Variants in NLGN3 observed in about 807,000 individuals in gnomAD.
The protein encoded by NLGN3 is neuroligin 3.
In NLGN3, 11 loss-of-function variants were observed where a neutral mutation model predicts 42.9. The observed-to-expected ratio is 0.26, with a 90% CI of 0.16 to 0.42. The LOEUF is 0.42. NLGN3 is among the 10% of genes least tolerant of loss of function. NLGN3 has a pLI of 1.00. For synonymous variants in NLGN3, 279 were observed against 312.7 expected, an observed-to-expected ratio of 0.89 and a Z score of 1.14; for missense variants, 374 against 733.8, an observed-to-expected ratio of 0.51 and a Z score of 5.67.
intron 6 of NLGN3, among the ~76,000 whole-genome samples, chrX:71,164,870 C>T (rs2092441754): frequency 9.0e-6 from 1 of 110,824 alleles, no homozygotes; most frequent in Non-Finnish European, 1.9e-5. Context: ...GACCTCTCCC[C>T]GACTGTGCAA....
At chrX:71,153,660 C>T (rs2092398584) in intron 4 of NLGN3, 124 bp downstream of exon 4, 1 of 655,328 alleles carries the variant, frequency 1.5e-6, no homozygotes, top group Admixed American at 2.7e-5. Context: ...CTGTACAAGG[C>T]CGTTGGGCTG....
intron 6 of NLGN3, among the ~76,000 whole-genome samples, chrX:71,165,437 A>C: frequency 9.4e-6 from 1 of 106,081 alleles, no homozygotes; most frequent in Non-Finnish European, 2.0e-5. Flanking sequence ...CTGACTGGGG[A>C]CTCCTCCCCT....
At chrX:71,148,609 G>T (rs1057077618) in intron 2 of NLGN3, among the ~76,000 whole-genome samples, 5 of 111,375 alleles carry the variant, frequency 4.5e-5, no homozygotes, top group Admixed American at 2.8e-4. Context: ...TGGGTGTGTG[G>T]GGGGTGGGGC....
chrX:71,168,861 G>GAA (rs1418164513), intron 7 of NLGN3, among the ~76,000 whole-genome samples: 5 of 86,420 alleles, frequency 5.8e-5, no homozygotes, highest in Non-Finnish European at 1.0e-4. Context: ...AAGAAAGAAA[G>GAA]AAAGAAAGAG....
intron 1 of NLGN3, among the ~76,000 whole-genome samples, chrX:71,146,213 A>G (rs982692864): frequency 2.1e-5 from 2 of 96,455 alleles, no homozygotes; most frequent in Middle Eastern, 5.0e-3. Flanking sequence ...ACACACACAC[A>G]CACACACATT....
chrX:71,152,394 A>C (rs2092394329), intron 3 of NLGN3, among the ~76,000 whole-genome samples: 1 of 105,852 alleles, frequency 9.4e-6, no homozygotes, highest in Non-Finnish European at 2.0e-5. Context: ...TTTCTCATCT[A>C]TTTCTTCCCT....
At chrX:71,174,640 C>T (rs1335823232), downstream of NLGN3, among the ~76,000 whole-genome samples, 1 of 111,672 alleles carries the variant, frequency 9.0e-6, no homozygotes, top group Non-Finnish European at 1.9e-5. Flanking sequence ...TCACCCACAG[C>T]GTATCTAGAG....
chrX:71,170,160 C>CACACACACACACACACACGCAG lies in NLGN3; in HGVS notation c.*82_*103dup, dbSNP rs1301847017. ...CCTCCCAGATCCAGGAACACATGCACACACACACACACACACACGCAGACA... is the reference window on the plus strand; with the variant it reads ...CCTCCCAGATCCAGGAACACATGCACACACACACACACACACACGCAGACACACACACACACACACGCAGACA... On this transcript the variant is annotated 3_prime_UTR_variant, in exon 8 of 8. Transcript: ENST00000358741. 1 of 1,078,102 alleles carries CACACACACACACACACACGCAG rather than the reference C, an allele frequency of 9.3e-7. No homozygotes were observed. The highest frequency in any genetic ancestry group is 1.3e-6 in the Non-Finnish European group (1 of 793,833). The allele number at this position is 1,078,102 out of a possible 1,213,427, so 88.8% of individuals were successfully genotyped here.
chrX:71,172,246 C>A (rs770026271), downstream of NLGN3, among the ~76,000 whole-genome samples: 3 of 110,854 alleles, frequency 2.7e-5, no homozygotes, highest in Admixed American at 2.9e-4. Context: ...TTCTTTTTTC[C>A]AAAACTAATG....
chrX:71,164,046 C>G, intron 5 of NLGN3, 97 bp from the exon 6 acceptor site: 1 of 787,792 alleles, frequency 1.3e-6, no homozygotes, highest in South Asian at 2.2e-5. Flanking sequence ...CGTGCTCATT[C>G]TCTATTCCCA....
At chrX:71,163,462 G>A (rs776737832) in intron 5 of NLGN3, among the ~76,000 whole-genome samples, 40 of 111,680 alleles carry the variant, frequency 3.6e-4, no homozygotes, top group East Asian at 1.1e-3. Context: ...TCAAGGCCCC[G>A]GAAGGAAGTG....
At chrX:71,161,107 TTTTC>T (rs1404272699) in intron 5 of NLGN3, among the ~76,000 whole-genome samples, 30 of 101,429 alleles carry the variant, frequency 3.0e-4, no homozygotes, top group Non-Finnish European at 1.5e-4. Context: ...TTTTCTTTTC[TTTTC>T]TTTCTTTTTT....
chrX:71,171,570 C>T (rs186697431), downstream of NLGN3: 31 of 405,624 alleles, frequency 7.6e-5, no homozygotes, highest in East Asian at 3.4e-3. Flanking sequence ...TCTGCTGCAA[C>T]CACCCTGCCC....
At position 71,167,027 on chromosome X, in the gene NLGN3, C is replaced by T. The variant is rs756834285; in HGVS notation, c.930C>T (p.Ala310=). 3.0e-5 allele frequency: 36 copies of T among 1,196,797 alleles called. No homozygotes were observed. Among genetic ancestry groups the T allele is most frequent in the Non-Finnish European group, 3.9e-5 (35 of 888,327 alleles). ...CTTCTGTAGGACTTTTCCAGAGAGC[C>T]ATCATCCAAAGTGGCTCTGCTCTGT... The part of the protein sequence containing the change: ...SHHSEGLFQR[A]IIQSGSALSS... The change falls in exon 7 of 8, where the codon GCC becomes GCT. Residue 310 remains alanine, a synonymous_variant. Coordinates refer to ENST00000358741, the MANE Select transcript of NLGN3 (RefSeq NM_181303.2).
intron 5 of NLGN3, among the ~76,000 whole-genome samples, chrX:71,158,530 T>TA (rs1052401761): frequency 2.7e-5 from 3 of 112,188 alleles, no homozygotes; most frequent in African/African-American, 6.5e-5. Flanking sequence ...CTCAGCTGCT[T>TA]AAAAAAATAT....
chrX:71,152,263 C>G (rs945672090), intron 3 of NLGN3, among the ~76,000 whole-genome samples: 48 of 111,211 alleles, frequency 4.3e-4, no homozygotes, highest in Middle Eastern at 4.6e-3. Flanking sequence ...CTCCTTAGAA[C>G]AGGAAGGAGA....
At position 71,170,004 on chromosome X, in the gene NLGN3, G is replaced by A. The variant is rs751708020; in HGVS notation, c.2454G>A (p.Leu818=). 1 of 1,209,431 alleles carries A rather than the reference G, an allele frequency of 8.3e-7. No homozygotes were observed. Among genetic ancestry groups the A allele is most frequent in the Non-Finnish European group, 1.1e-6 (1 of 894,539 alleles). Residue 818 remains leucine, a synonymous_variant, in exon 8 of 8, where the codon CTG becomes CTA. Coordinates refer to ENST00000358741, the MANE Select transcript of NLGN3 (RefSeq NM_181303.2). ...CCATCACTATGATCCCCAACTCCCT[G>A]GTAGGGCTGCAGACATTGCACCCCT... ...PNTITMIPNS[L]VGLQTLHPYN...
rs958375660 is a variant in NLGN3 at position 71,161,599 on chromosome X, C to G, written c.728-2544C>G. Among the ~76,000 whole-genome samples, 13 of 109,141 alleles carry G rather than the reference C, an allele frequency of 1.2e-4. No individual in the cohort carries two copies. The Admixed American group carries it at 1.3e-3, about 11-fold the overall frequency. 94.8% of individuals were successfully genotyped at this position (109,141 alleles called of 115,157 possible). On this transcript the variant is annotated intron_variant, in intron 5 of 7. Transcript: ENST00000358741. ...GACCAGCCTGGCCAACATGGCGAAA[C>G]CCCATCTCTATTAAAAATATAAAAA...
In NLGN3 at chrX:71,170,523, GCTCTTC is replaced by G; in HGVS notation, c.*430_*435del. 5 of 821,217 alleles carry G rather than the reference GCTCTTC, an allele frequency of 6.1e-6. No homozygotes were observed. The highest frequency in any genetic ancestry group is 7.3e-6 in the Non-Finnish European group (5 of 682,074). The allele number at this position is 821,217 out of a possible 1,213,427, so 67.7% of individuals were successfully genotyped here. A position where few individuals can be genotyped will look rare whatever the true frequency, so the allele number is the denominator to read the frequency against. On this transcript the variant is annotated 3_prime_UTR_variant, in exon 8 of 8. Coordinates refer to ENST00000358741, the MANE Select transcript of NLGN3 (RefSeq NM_181303.2). ...CTTGGGAGCTTTAAAGAGCAGGATA[GCTCTTC>G]CTCCCCAGGACTTGGTCTTTTTTCT...
Sources: allele counts gnomAD v4.1 joint callset (sites outside exome capture counted in the v4.1 genomes callset), GRCh38; gene constraint gnomAD v4.1.1; transcripts MANE v1.5; gene names NCBI Gene and HGNC (gene_info 2026-07-23, HGNC 2026-07-21).